The following CAPS2 variants were observed in gnomAD, a reference collection of about 807,000 sequenced individuals.
CAPS2 encodes the protein calcyphosine 2, also known as calcyphosin-2.
In CAPS2, 98 loss-of-function variants were observed where a neutral mutation model predicts 86.5. That is an observed-to-expected ratio of 1.13 (90% confidence interval 0.96 to 1.34). The LOEUF (loss-of-function observed/expected upper bound fraction) is 1.34, where lower values mean the gene tolerates loss of function less well. CAPS2 is among the 40% of genes most tolerant of loss of function. The probability of loss-of-function intolerance (pLI) is 0.00; values close to 1 mark genes in which losing one functional copy is unlikely to be tolerated. For synonymous variants in CAPS2, 210 were observed against 225.1 expected (o/e 0.93, Z 0.60); for missense variants, 729 against 686.8 (o/e 1.06, Z -0.69).
chr12:75,356,098 A>T (rs1351432554), intron 1 of CAPS2, among the ~76,000 whole-genome samples: 2 of 152,150 alleles, frequency 1.3e-5, no homozygotes, highest in Non-Finnish European at 2.9e-5. Flanking sequence ...CCTATGTCAC[A>T]AACCTGCCCA....
intron 8 of CAPS2, among the ~76,000 whole-genome samples, chr12:75,300,352 C>A (rs748556046): frequency 6.6e-6 from 1 of 151,646 alleles, no homozygotes; most frequent in African/African-American, 2.4e-5. Context: ...GTCAGGAGAT[C>A]GAGACCATCT....
chr12:75,337,234 A>T (rs1352685270), intron 1 of CAPS2, among the ~76,000 whole-genome samples: 1 of 151,864 alleles, frequency 6.6e-6, no homozygotes, highest in Non-Finnish European at 1.5e-5. Context: ...GAAAATTTTT[A>T]AAAAACTAAA....
intron 7 of CAPS2, chr12:75,306,412 A>T: frequency 9.5e-5 from 35 of 367,966 alleles, no homozygotes; most frequent in Middle Eastern, 1.0e-3. Context: ...AGGCCTGTGG[A>T]AGGGTGGGGG....
chr12:75,368,606 C>T (rs1483712764), intron 1 of CAPS2, among the ~76,000 whole-genome samples: 1 of 151,592 alleles, frequency 6.6e-6, no homozygotes, highest in Non-Finnish European at 1.5e-5. Flanking sequence ...TTTTTATTTA[C>T]AAATTTTTGC....
intron 1 of CAPS2, among the ~76,000 whole-genome samples, chr12:75,342,019 AG>A (rs1441366351): frequency 6.6e-6 from 1 of 152,176 alleles, no homozygotes; most frequent in African/African-American, 2.4e-5. Context: ...CTGGGATTAC[AG>A]GCATGAGTCA....
chr12:75,282,988 A>T (rs1372995993), intron 15 of CAPS2, among the ~76,000 whole-genome samples: 1 of 152,142 alleles, frequency 6.6e-6, no homozygotes, highest in Non-Finnish European at 1.5e-5. Context: ...GGTAACTTCC[A>T]TCTCTAGGAT....
At chr12:75,351,550 G>GTTT (rs1175807861) in intron 1 of CAPS2, among the ~76,000 whole-genome samples, 1 of 131,076 alleles carries the variant, frequency 7.6e-6, no homozygotes, top group African/African-American at 2.7e-5. Context: ...GTTTTGTTTT[G>GTTT]TTTTTTTTTT....
Position 75,373,055 on chromosome 12 carries a change from T to A in CAPS2, c.-395+17783A>T, listed in dbSNP as rs572733766. ...ATGTAATCAACCTGCCACCAAATAG[T>A]TGTCTAACCACTCCAAGGAATGGTG... On this transcript the variant is annotated intron_variant, in intron 1 of 5. Coordinates refer to the CAPS2 transcript ENST00000551829. Among the ~76,000 whole-genome samples, 3 of 152,308 alleles carry A rather than the reference T, an allele frequency of 2.0e-5. No individual in the cohort carries two copies. In the East Asian group the frequency reaches 5.8e-4, roughly 29 times the overall value.
chr12:75,305,853 T>G (rs1012074062), intron 7 of CAPS2: 31 of 755,172 alleles, frequency 4.1e-5, no homozygotes, highest in Non-Finnish European at 7.0e-5. Context: ...CTCGCCCAGG[T>G]GTTCGGGATG....
intron 1 of CAPS2, among the ~76,000 whole-genome samples, chr12:75,375,157 A>G (rs1430711944): frequency 6.6e-6 from 1 of 152,114 alleles, no homozygotes; most frequent in East Asian, 1.9e-4. Context: ...CAGGGAGCCA[A>G]TGTGGGGATT....
chr12:75,334,502 G>T (rs1214126628), upstream of CAPS2: 1 of 1,322,838 alleles, frequency 7.6e-7, no homozygotes, highest in Non-Finnish European at 9.6e-7. Context: ...ACCAGAGGGC[G>T]ACTCAGAGCT....
At chr12:75,359,480 G>T (rs1320450469) in intron 1 of CAPS2, among the ~76,000 whole-genome samples, 1 of 146,658 alleles carries the variant, frequency 6.8e-6, no homozygotes, top group Non-Finnish European at 1.5e-5. Context: ...AAATTCATGT[G>T]GAAGTGCAAA....
intron 1 of CAPS2, chr12:75,370,366 C>A (rs576238277): frequency 1.1e-5 from 5 of 446,920 alleles, no homozygotes; most frequent in East Asian, 9.8e-5. Context: ...AGAATAAAGT[C>A]TTAAGATTAT....
intron 5 of CAPS2, among the ~76,000 whole-genome samples, chr12:75,318,638 C>G (rs965226851): frequency 1.3e-5 from 2 of 152,088 alleles, no homozygotes; most frequent in African/African-American, 4.8e-5. Context: ...TAAAGGTCTC[C>G]CCTGTGATCC....
intron 1 of CAPS2, among the ~76,000 whole-genome samples, chr12:75,374,875 G>A (rs1287373310): frequency 6.6e-6 from 1 of 152,182 alleles, no homozygotes; most frequent in Non-Finnish European, 1.5e-5. Context: ...TACAGCAGCT[G>A]CAATTAGAGT....
At chr12:75,363,068 C>T in intron 1 of CAPS2, 3 of 1,110,746 alleles carry the variant, frequency 2.7e-6, no homozygotes, top group Middle Eastern at 2.2e-4. Flanking sequence ...AAATTAACAG[C>T]CATTTGGCTA....
At chr12:75,276,165 A>G (rs1357803425), downstream of CAPS2, 2 of 1,514,798 alleles carry the variant, frequency 1.3e-6, no homozygotes, top group East Asian at 2.5e-5. Context: ...GGCTTATTTT[A>G]TATATGCCCA....
chr12:75,312,744 A>C (rs2039361264), intron 7 of CAPS2, 104 bp downstream of exon 7: 1 of 686,894 alleles, frequency 1.5e-6, no homozygotes, highest in South Asian at 1.8e-5. Flanking sequence ...GGAACCTCTG[A>C]GTTAGCCACC....
intron 1 of CAPS2, among the ~76,000 whole-genome samples, chr12:75,350,777 G>T (rs1241033737): frequency 6.6e-6 from 1 of 152,228 alleles, no homozygotes; most frequent in East Asian, 1.9e-4. Flanking sequence ...CAAAAAGCCA[G>T]AGTGTCTCTT....
Sources: allele counts gnomAD v4.1 joint callset (sites outside exome capture counted in the v4.1 genomes callset), GRCh38; gene constraint gnomAD v4.1.1; transcripts MANE v1.5; gene names NCBI Gene and HGNC (gene_info 2026-07-23, HGNC 2026-07-21).